The following DLGAP1 variants were observed in gnomAD, a reference collection of about 807,000 sequenced individuals.
DLGAP1 encodes the protein DLG associated protein 1.
Under a neutral mutation model 90.8 loss-of-function variants are expected in DLGAP1, and 11 were observed. The ratio of observed to expected loss-of-function variants is 0.12; its 90% CI spans 0.08 to 0.20. The LOEUF is 0.20. Among genes scored for constraint, DLGAP1 ranks in the 10% least tolerant of loss-of-function variants. DLGAP1 has a pLI of 1.00. For synonymous variants in DLGAP1, 558 were observed against 540.7 expected (o/e 1.03, Z -0.44); for missense variants, 1,050 against 1,333.8 (o/e 0.79, Z 3.31).
chr18:4,198,443 T>C lies in DLGAP1; in HGVS notation c.-266-47156A>G, dbSNP rs568081752. ...TGTTTCTTTTTCTTCATTTAGGTAC[T>C]GTAATGGGTCCACGAAACAATTAAT... On this transcript the variant is annotated intron_variant, in intron 1 of 12. Transcript: ENST00000315677. 7.1e-4 allele frequency among the ~76,000 whole-genome samples: 108 copies of C among 152,250 alleles called. No individual in the cohort carries two copies. In the South Asian group the frequency reaches 0.013, roughly 19 times the overall value.
At chr18:4,159,567 G>C (rs1021150911) in intron 1 of DLGAP1, among the ~76,000 whole-genome samples, 1 of 152,022 alleles carries the variant, frequency 6.6e-6, no homozygotes, top group African/African-American at 2.4e-5. Context: ...TAAAATGAAA[G>C]CTCCCCACGG....
Position 3,936,113 on chromosome 18 carries a change from C to A in DLGAP1, c.-72-55973G>T, listed in dbSNP as rs2072631755. ...TGTGACAGGGGTACAGGCTGAACCC[C>A]CCCAGAGACTTATCTGCCACATCAG... On this transcript the variant is annotated intron_variant, in intron 3 of 12. Coordinates refer to ENST00000315677, the MANE Select transcript of DLGAP1 (RefSeq NM_004746.4). 1.3e-5 allele frequency among the ~76,000 whole-genome samples: 2 copies of A among 152,184 alleles called. 1 individual carries two copies. Among genetic ancestry groups the A allele is most frequent in the Admixed American group, 1.3e-4 (2 of 15,284 alleles).
At chr18:4,139,324 AT>A (rs2076458285) in intron 2 of DLGAP1, among the ~76,000 whole-genome samples, 1 of 151,794 alleles carries the variant, frequency 6.6e-6, no homozygotes. Flanking sequence ...TTGTGTTTCC[AT>A]TATCATTTGT....
intron 1 of DLGAP1, among the ~76,000 whole-genome samples, chr18:4,265,917 G>T (rs894681260): frequency 5.3e-5 from 8 of 151,336 alleles, no homozygotes; most frequent in Admixed American, 5.3e-4. Context: ...TGAACTCCTT[G>T]GCTCAAGCGA....
At chr18:3,890,089 G>T (rs1267481619) in intron 3 of DLGAP1, among the ~76,000 whole-genome samples, 1 of 152,210 alleles carries the variant, frequency 6.6e-6, no homozygotes, top group Non-Finnish European at 1.5e-5. Context: ...GGACCCTCCT[G>T]CCCAGTGGGT....
intron 2 of DLGAP1, among the ~76,000 whole-genome samples, chr18:4,050,977 A>G (rs2143073525): frequency 6.6e-6 from 1 of 152,272 alleles, no homozygotes; most frequent in African/African-American, 2.4e-5. Flanking sequence ...ATCTGTTGTC[A>G]TATTTAACTA....
At chr18:4,133,995 T>TA (rs3215300) in intron 2 of DLGAP1, among the ~76,000 whole-genome samples, 29,825 of 147,056 alleles carry the variant, frequency 0.2, 3,692 homozygotes, top group African/African-American at 0.36. Flanking sequence ...ATAGTGGTCC[T>TA]AAAAAAAAAA....
intron 7 of DLGAP1, among the ~76,000 whole-genome samples, chr18:3,715,686 A>G (rs1442128810): frequency 1.3e-5 from 2 of 152,000 alleles, no homozygotes; most frequent in Non-Finnish European, 2.9e-5. Context: ...TTTTTTTCTT[A>G]CCATAATTGC....
At chr18:3,537,354 G>A (rs1358530425) in intron 9 of DLGAP1, among the ~76,000 whole-genome samples, 1 of 152,152 alleles carries the variant, frequency 6.6e-6, no homozygotes, top group Admixed American at 6.5e-5. Context: ...GAATCATGTA[G>A]TATTTATTTG....
intron 1 of DLGAP1, among the ~76,000 whole-genome samples, chr18:4,360,481 T>C (rs2081608182): frequency 6.6e-6 from 1 of 152,186 alleles, no homozygotes; most frequent in Non-Finnish European, 1.5e-5. Context: ...AAGACTTTCA[T>C]CTTCAGTGGA....
intron 3 of DLGAP1, among the ~76,000 whole-genome samples, chr18:4,003,426 T>C (rs2074237869): frequency 1.5e-5 from 2 of 137,162 alleles, no homozygotes; most frequent in South Asian, 5.0e-4. Flanking sequence ...TTTCAGGTGC[T>C]TAATATCATT....
At chr18:3,892,872 TTATA>T (rs965325336) in intron 3 of DLGAP1, among the ~76,000 whole-genome samples, 7 of 148,718 alleles carry the variant, frequency 4.7e-5, no homozygotes, top group Non-Finnish European at 1.0e-4. Flanking sequence ...CTCTGGCTTT[TTATA>T]TATATAAAGA....
chr18:4,292,496 TACA>T (rs1356304928), intron 1 of DLGAP1, among the ~76,000 whole-genome samples: 1 of 152,122 alleles, frequency 6.6e-6, no homozygotes, highest in African/African-American at 2.4e-5. Flanking sequence ...GATAATCTCT[TACA>T]ACATCACATT....
At chr18:4,213,758 A>C (rs892040250) in intron 1 of DLGAP1, among the ~76,000 whole-genome samples, 14 of 152,212 alleles carry the variant, frequency 9.2e-5, no homozygotes, top group Non-Finnish European at 2.1e-4. Flanking sequence ...GAGTAATAAG[A>C]CAAATACAAG....
intron 1 of DLGAP1, among the ~76,000 whole-genome samples, chr18:4,202,427 T>C (rs2077625307): frequency 6.6e-6 from 1 of 152,126 alleles, no homozygotes; most frequent in African/African-American, 2.4e-5. Flanking sequence ...ATGGCCAGAC[T>C]TCACCACTAT....
intron 9 of DLGAP1, among the ~76,000 whole-genome samples, chr18:3,554,611 C>G (rs1175693422): frequency 6.6e-6 from 1 of 152,138 alleles, no homozygotes; most frequent in Non-Finnish European, 1.5e-5. Flanking sequence ...GTCATGGTGG[C>G]CTGCAAATGT....
intron 1 of DLGAP1, among the ~76,000 whole-genome samples, chr18:4,289,592 G>A (rs1189170330): frequency 6.6e-6 from 1 of 152,152 alleles, no homozygotes; most frequent in Non-Finnish European, 1.5e-5. Context: ...AATGGAGGTG[G>A]TAGGAGGGTA....
chr18:3,649,727 A>C (rs1490934013), intron 7 of DLGAP1, among the ~76,000 whole-genome samples: 2 of 152,132 alleles, frequency 1.3e-5, no homozygotes, highest in African/African-American at 2.4e-5. Context: ...TACACTGTGC[A>C]GAAATAGAAA....
intron 1 of DLGAP1, among the ~76,000 whole-genome samples, chr18:4,303,943 G>T (rs1401647490): frequency 6.6e-6 from 1 of 152,112 alleles, no homozygotes; most frequent in Non-Finnish European, 1.5e-5. Context: ...GATGACTTAG[G>T]ATAACATTGA....
Sources: allele counts gnomAD v4.1 joint callset (sites outside exome capture counted in the v4.1 genomes callset), GRCh38; gene constraint gnomAD v4.1.1; transcripts MANE v1.5; gene names NCBI Gene and HGNC (gene_info 2026-07-23, HGNC 2026-07-21).